ST7L: variants seen among roughly 807,000 people sequenced by gnomAD.
ST7L encodes suppression of tumorigenicity 7 like, also known as suppressor of tumorigenicity 7 protein-like.
Under a neutral mutation model 72.5 loss-of-function variants are expected in ST7L, and 57 were observed. The ratio of observed to expected loss-of-function variants is 0.79; its 90% CI spans 0.64 to 0.98. The LOEUF (loss-of-function observed/expected upper bound fraction) is 0.98, where lower values mean the gene tolerates loss of function less well. ST7L is among the 50% of genes least tolerant of loss of function. The pLI is 0.00. For synonymous variants in ST7L, 221 were observed against 240.9 expected, an observed-to-expected ratio of 0.92 and a Z score of 0.77; for missense variants, 576 against 672.2, an observed-to-expected ratio of 0.86 and a Z score of 1.58.
intron 11 of ST7L, among the ~76,000 whole-genome samples, chr1:112,561,449 A>G (rs145778141): frequency 9.2e-4 from 139 of 150,556 alleles, no homozygotes; most frequent in Non-Finnish European, 1.5e-3. Flanking sequence ...TGCATAATAC[A>G]TTTTGCGCCT....
In ST7L at chr1:112,582,406, C is replaced by G. The variant is rs760753587; in HGVS notation, c.923G>C (p.Arg308Thr). The G allele has an allele frequency of 3.7e-6, 6 of 1,605,644 alleles. No homozygotes were observed. The highest frequency in any genetic ancestry group is 2.6e-6 in the Non-Finnish European group (3 of 1,173,954). Residue 308 changes from arginine (R) to threonine (T), a missense_variant, in exon 8 of 15, where the codon AGA becomes ACA. Physicochemically the swap from Arg to Thr is moderately conservative, Grantham distance 71 (BLOSUM62 -1). Coordinates refer to ENST00000358039, the MANE Select transcript of ST7L (RefSeq NM_017744.5). ...RLAMCARKLGRIREAVKIMRD... is the reference protein window; with the variant it reads ...RLAMCARKLGTIREAVKIMRD... ...CATTATTTTTACTGCTTCTCTTATT[C>G]TTCCTAATTTTCTTGCACACATTGC...
chr1:112,568,847 TAA>T (rs1661518092), intron 11 of ST7L, among the ~76,000 whole-genome samples: 1 of 91,768 alleles, frequency 1.1e-5, no homozygotes, highest in Non-Finnish European at 2.1e-5. Flanking sequence ...CTGTTTTTTA[TAA>T]ATATAAATAT....
chr1:112,613,262 A>G (rs1252427885), intron 2 of ST7L, among the ~76,000 whole-genome samples: 6 of 152,208 alleles, frequency 3.9e-5, no homozygotes, highest in African/African-American at 1.4e-4. Flanking sequence ...TTTAACACAA[A>G]TGAACAATGG....
intron 3 of ST7L, 87 bp from the exon 4 acceptor site, chr1:112,600,935 A>T: frequency 1.8e-6 from 2 of 1,128,570 alleles, no homozygotes; most frequent in Non-Finnish European, 2.6e-6. Context: ...ACTGTAGGCT[A>T]ATCACAGTGC....
At chr1:112,591,085 C>T (rs1447403760) in intron 6 of ST7L, among the ~76,000 whole-genome samples, 2 of 152,128 alleles carry the variant, frequency 1.3e-5, no homozygotes, top group South Asian at 2.1e-4. Flanking sequence ...CGCTCGCCCC[C>T]ATGCCCGGCT....
At chr1:112,581,631 C>T (rs1212551409) in intron 9 of ST7L, among the ~76,000 whole-genome samples, 1 of 152,072 alleles carries the variant, frequency 6.6e-6, no homozygotes. Flanking sequence ...TCTCCAACTC[C>T]TGGGCTCAAG....
At chr1:112,585,620 C>T (rs998459614) in intron 6 of ST7L, among the ~76,000 whole-genome samples, 1 of 151,464 alleles carries the variant, frequency 6.6e-6, no homozygotes, top group East Asian at 1.9e-4. Context: ...GTAGTCCTAG[C>T]TACTTGAGAG....
At chr1:112,534,978 C>A (rs1393016636) in intron 14 of ST7L, among the ~76,000 whole-genome samples, 1 of 152,118 alleles carries the variant, frequency 6.6e-6, no homozygotes, top group African/African-American at 2.4e-5. Flanking sequence ...CTTCTGTGAA[C>A]CTCATACTTG....
intron 6 of ST7L, among the ~76,000 whole-genome samples, chr1:112,585,478 C>T (rs557184910): frequency 1.3e-5 from 2 of 152,298 alleles, no homozygotes; most frequent in African/African-American, 2.4e-5. Flanking sequence ...CGCGGTGGCT[C>T]ATGCCTGTAA....
At chr1:112,587,947 T>C (rs957071157) in intron 6 of ST7L, among the ~76,000 whole-genome samples, 3 of 152,206 alleles carry the variant, frequency 2.0e-5, no homozygotes, top group Non-Finnish European at 4.4e-5. Context: ...TCCATGAACA[T>C]GGGATGTCTT....
rs1653033049 is a variant in ST7L at position 112,523,984 on chromosome 1, C to T, written c.*2029G>A. ...TAGAGTGATGCTGGAAAAATAAAATCAGGGGCTTCAGATTAAAAAAAAAAA... is the reference window on the plus strand; with the variant it reads ...TAGAGTGATGCTGGAAAAATAAAATTAGGGGCTTCAGATTAAAAAAAAAAA... On this transcript the variant is annotated 3_prime_UTR_variant, in exon 15 of 15. Transcript: ENST00000358039. 6.6e-6 allele frequency: 1 copy of T among 151,122 alleles called. No individual in the cohort carries two copies. Among genetic ancestry groups the T allele is most frequent in the Admixed American group, 6.6e-5 (1 of 15,182 alleles). The allele number at this position is 151,122 out of a possible 1,614,324, so 9.4% of individuals were successfully genotyped here.
intron 13 of ST7L, among the ~76,000 whole-genome samples, chr1:112,549,561 A>G (rs1657755923): frequency 6.6e-6 from 1 of 151,952 alleles, no homozygotes. Context: ...TATGATTGCT[A>G]TTGTTTTCTA....
chr1:112,522,700 T>A (rs937766059), downstream of ST7L: 4 of 152,318 alleles, frequency 2.6e-5, no homozygotes, highest in Admixed American at 2.6e-4. Context: ...GTGGTTTTTC[T>A]TTTGGTGAGG....
intron 11 of ST7L, among the ~76,000 whole-genome samples, chr1:112,567,824 TTA>T (rs1661292803): frequency 6.6e-6 from 1 of 152,142 alleles, no homozygotes; most frequent in Admixed American, 6.5e-5. Flanking sequence ...ATTTTGTTTT[TTA>T]TAGTAATTAT....
In ST7L at chr1:112,561,959, A is replaced by G. The variant is rs17014832; in HGVS notation, c.1246-5941T>C. ...AAAAATTTGAAGAAATGATGCTTCT[A>G]AAACTTTACTTTTTTTTTTTTTTTT... On this transcript the variant is annotated intron_variant, in intron 11 of 14. Coordinates refer to ENST00000358039, the MANE Select transcript of ST7L (RefSeq NM_017744.5). Among the ~76,000 whole-genome samples, 637 of 149,978 alleles carry G rather than the reference A, an allele frequency of 4.2e-3. 15 individuals carry two copies. The East Asian group carries it at 0.044, about 10-fold the overall frequency.
chr1:112,553,233 A>AACACACAC (rs71584746), intron 12 of ST7L, among the ~76,000 whole-genome samples: 109 of 149,488 alleles, frequency 7.3e-4, no homozygotes, highest in East Asian at 2.8e-3. Flanking sequence ...CTTTTCTTTA[A>AACACACAC]ACACACACAC....
rs114326548 is a variant in ST7L at position 112,584,055 on chromosome 1, T to C, written c.773A>G (p.Lys258Arg). The C allele has an allele frequency of 6.2e-7, 1 of 1,614,198 alleles. No homozygotes were observed. The highest frequency in any genetic ancestry group is 2.2e-5 in the East Asian group (1 of 44,884). ...TTIVDAERLF[K>R]QALKAGETIY... Reference sequence around the variant, plus strand: ...TGTTTCTCCTGCCTTGAGTGCCTGTTTAAATAACCTTTCAGCATCTACAAT... The same window carrying C: ...TGTTTCTCCTGCCTTGAGTGCCTGTCTAAATAACCTTTCAGCATCTACAAT... The change falls in exon 7 of 15, where the codon AAA (lysine) becomes AGA (arginine). Residue 258 changes from lysine to arginine, a missense_variant. This residue lies in a region of ST7L where 511 missense variants were observed against 600.7 expected (regional missense o/e 0.85). Transcript: ENST00000358039.
chr1:112,578,409 G>A lies in ST7L; in HGVS notation c.1078C>T (p.Leu360Phe). The change falls in exon 10 of 15, where the codon CTT (leucine) becomes TTT (phenylalanine). Residue 360 changes from leucine to phenylalanine, a missense_variant. Leu to Phe is a conservative substitution (Grantham distance 22, BLOSUM62 0). Transcript: ENST00000358039. The stretch of plus-strand genomic sequence containing the variant: ...TAACAGATTGCTGCTGACTTTGGAA[G>A]GCTTATATCTGTAACGATAATTTTC... ...AVLAKYDDIS[L>F]PKSAAICYTA... The A allele has an allele frequency of 6.2e-7, 1 of 1,613,994 alleles. No homozygotes were observed. Among genetic ancestry groups the A allele is most frequent in the East Asian group, 2.2e-5 (1 of 44,870 alleles).
At chr1:112,520,218 A>G (rs1264630808), downstream of ST7L, 2 of 1,484,598 alleles carry the variant, frequency 1.3e-6, no homozygotes, top group Admixed American at 1.9e-5. Context: ...GAATGTGGTT[A>G]AGGGTATCCA....
Sources: gnomAD v4.1 joint callset for allele counts (sites outside exome capture counted in the v4.1 genomes callset) on GRCh38, gnomAD v4.1.1 for gene constraint, gnomAD v4.1.1 regional missense constraint, MANE v1.5 for transcripts, NCBI Gene and HGNC (gene_info 2026-07-23, HGNC 2026-07-21) for gene names.